DGKB: variants seen among roughly 807,000 people sequenced by gnomAD.
DGKB encodes 90 kDa diacylglycerol kinase.
In DGKB, 67 loss-of-function variants were observed where a neutral mutation model predicts 114.3. The ratio of observed to expected loss-of-function variants is 0.59; its 90% CI spans 0.48 to 0.72. The LOEUF (loss-of-function observed/expected upper bound fraction) is 0.72. Among genes scored for constraint, DGKB ranks in the 30% least tolerant of loss-of-function variants. DGKB has a pLI of 0.00. For synonymous variants in DGKB, 398 were observed against 323.1 expected, an observed-to-expected ratio of 1.23 and a Z score of -2.49; for missense variants, 907 against 975.2, an observed-to-expected ratio of 0.93 and a Z score of 0.93.
chr7:14,335,050 G>C (rs1348318201), intron 23 of DGKB, among the ~76,000 whole-genome samples: 2 of 152,146 alleles, frequency 1.3e-5, no homozygotes, highest in African/African-American at 4.8e-5. Context: ...GTAATTACAT[G>C]AATTACTCAC....
intron 23 of DGKB, among the ~76,000 whole-genome samples, chr7:14,252,797 T>C (rs1025116517): frequency 6.6e-6 from 1 of 152,210 alleles, no homozygotes; most frequent in Non-Finnish European, 1.5e-5. Flanking sequence ...GGTTCTGTGG[T>C]TGACAGAAAG....
intron 13 of DGKB, among the ~76,000 whole-genome samples, chr7:14,653,511 G>A (rs1815069457): frequency 6.6e-6 from 1 of 152,012 alleles, no homozygotes; most frequent in Non-Finnish European, 1.5e-5. Context: ...GTTGTGGGGT[G>A]GGGGTAGGGG....
chr7:14,371,822 G>T (rs780460129), intron 21 of DGKB, among the ~76,000 whole-genome samples: 3 of 152,164 alleles, frequency 2.0e-5, no homozygotes, highest in Non-Finnish European at 4.4e-5. Context: ...ACTTAGCAAT[G>T]AGGGAGAGCA....
chr7:14,731,530 T>A (rs1830924905), intron 5 of DGKB, among the ~76,000 whole-genome samples: 1 of 152,174 alleles, frequency 6.6e-6, no homozygotes, highest in Admixed American at 6.5e-5. Context: ...TGAAGAAGTG[T>A]TAAGGTCATA....
At chr7:14,150,953 AG>A (rs1782105468) in intron 25 of DGKB, among the ~76,000 whole-genome samples, 1 of 152,102 alleles carries the variant, frequency 6.6e-6, no homozygotes, top group African/African-American at 2.4e-5. Flanking sequence ...TCTGCCCCCA[AG>A]AAATTATAAT....
In DGKB at chr7:14,574,215, G is replaced by T. The variant is rs369842265; in HGVS notation, c.1767C>A (p.Gly589=). 1 of 1,611,766 alleles carries T rather than the reference G, an allele frequency of 6.2e-7. No homozygotes were observed. Among genetic ancestry groups the T allele is most frequent in the East Asian group, 2.2e-5 (1 of 44,782 alleles). ...AAAATTTAGTGGAGAATCTTACCAC[G>T]CCAATGGAAAAGTAATTATTGATGA... ...YSIINNYFSI[G]VDASIAHRFH... is the part of the protein sequence containing the mutation. The change falls in exon 20 of 26, where the codon GGC becomes GGA. Residue 589 remains glycine (G), a synonymous_variant. Coordinates refer to ENST00000402815, the MANE Select transcript of DGKB (RefSeq NM_001350709.2).
intron 21 of DGKB, among the ~76,000 whole-genome samples, chr7:14,404,158 A>T (rs940392892): frequency 1.3e-5 from 2 of 150,790 alleles, no homozygotes; most frequent in African/African-American, 4.9e-5. Context: ...TCTTCTAATA[A>T]TCAAACATAG....
At chr7:14,704,498 G>A (rs189274179) in intron 6 of DGKB, among the ~76,000 whole-genome samples, 2 of 151,582 alleles carry the variant, frequency 1.3e-5, no homozygotes, top group African/African-American at 4.8e-5. Context: ...AGCCAAGATG[G>A]CCGAATAGGA....
At chr7:14,897,951 A>G (rs778811779) in intron 1 of DGKB, among the ~76,000 whole-genome samples, 29 of 152,030 alleles carry the variant, frequency 1.9e-4, no homozygotes, top group Non-Finnish European at 3.5e-4. Flanking sequence ...ATTATATTAG[A>G]CACTGTGTTA....
chr7:14,670,400 T>G (rs984248015), intron 13 of DGKB, among the ~76,000 whole-genome samples: 2 of 151,722 alleles, frequency 1.3e-5, no homozygotes, highest in African/African-American at 4.8e-5. Context: ...CCTCCAGGGT[T>G]CAAGCGATTC....
chr7:14,619,793 A>G lies in DGKB; in HGVS notation c.1284+1585T>C, dbSNP rs937259715. 3.3e-4 allele frequency among the ~76,000 whole-genome samples: 50 copies of G among 151,696 alleles called. 1 individual carries two copies. The highest frequency in any genetic ancestry group is 3.1e-3 in the Admixed American group (47 of 15,180). On this transcript the variant is annotated intron_variant, in intron 15 of 25. Transcript: ENST00000402815. ...TTTTGAAAATGATGATAATAATGGT[A>G]TTGATCTCATATGTTTATTGAGAGA...
intron 23 of DGKB, among the ~76,000 whole-genome samples, chr7:14,257,349 T>G (rs1796098304): frequency 6.6e-6 from 1 of 152,050 alleles, no homozygotes; most frequent in African/African-American, 2.4e-5. Context: ...AGACTGTAAG[T>G]GGTGTCAATA....
At chr7:14,164,017 A>C (rs868234886) in intron 25 of DGKB, among the ~76,000 whole-genome samples, 4,455 of 151,882 alleles carry the variant, frequency 0.029, 203 homozygotes, top group African/African-American at 0.098. Flanking sequence ...ACAAACAAAA[A>C]AAAAAACAAA....
At chr7:14,885,697 G>A (rs1205901925) in intron 1 of DGKB, among the ~76,000 whole-genome samples, 1 of 151,872 alleles carries the variant, frequency 6.6e-6, no homozygotes, top group African/African-American at 2.4e-5. Context: ...CATGGACTGT[G>A]CTAAGATAAT....
intron 1 of DGKB, among the ~76,000 whole-genome samples, chr7:14,892,549 A>G (rs1158950913): frequency 6.6e-6 from 1 of 151,244 alleles, no homozygotes; most frequent in Non-Finnish European, 1.5e-5. Flanking sequence ...GAATAAATTT[A>G]CACATTAAGG....
At chr7:14,488,640 AT>A (rs1784159450) in intron 20 of DGKB, among the ~76,000 whole-genome samples, 1 of 146,242 alleles carries the variant, frequency 6.8e-6, no homozygotes, top group Admixed American at 6.8e-5. Context: ...GTGAAGCCCC[AT>A]TTCCACTAAA....
At chr7:14,211,435 GTGTTTTGTGATATTTACTCTCA>G in intron 23 of DGKB, among the ~76,000 whole-genome samples, 1 of 23,194 alleles carries the variant, frequency 4.3e-5, no homozygotes, top group African/African-American at 2.8e-4. Flanking sequence ...TTTTACTCTC[GTGTTTTGTGATATTTACTCTCA>G]TGTTTTGTGA....
At chr7:14,719,425 G>A (rs1422864273) in intron 5 of DGKB, among the ~76,000 whole-genome samples, 1 of 125,830 alleles carries the variant, frequency 7.9e-6, no homozygotes, top group East Asian at 3.6e-4. Flanking sequence ...TAACTTGTTA[G>A]TTCTGTCTTA....
At position 14,414,333 on chromosome 7, in the gene DGKB, C is replaced by A. The variant is rs771857169; in HGVS notation, c.1835+63828G>T. Among the ~76,000 whole-genome samples the A allele has an allele frequency of 5.3e-5, 8 of 152,062 alleles. No individual in the cohort carries two copies. In the East Asian group the frequency reaches 1.6e-3, roughly 30 times the overall value. On this transcript the variant is annotated intron_variant, in intron 21 of 25. Coordinates refer to ENST00000402815, the MANE Select transcript of DGKB (RefSeq NM_001350709.2). The stretch of plus-strand genomic sequence containing the variant: ...GGGAAGATTTTAAAACTTGCTCGAG[C>A]AACTAAAAATGAGAGTTGAAAAGAC...
Sources: gnomAD v4.1 joint callset for allele counts (sites outside exome capture counted in the v4.1 genomes callset) on GRCh38, gnomAD v4.1.1 for gene constraint, MANE v1.5 for transcripts, NCBI Gene and HGNC (gene_info 2026-07-23, HGNC 2026-07-21) for gene names.